Variants in SUGCT observed in about 807,000 individuals in gnomAD.
SUGCT encodes succinyl-CoA:glutarate CoA-transferase.
In SUGCT, 41 loss-of-function variants were observed where a neutral mutation model predicts 55.0. The ratio of observed to expected loss-of-function variants is 0.74; its 90% CI spans 0.58 to 0.97. The LOEUF (loss-of-function observed/expected upper bound fraction) is 0.97. Ranked by LOEUF, SUGCT falls within the 50% of genes least tolerant of loss-of-function variation. SUGCT has a pLI of 0.00. For synonymous variants in SUGCT, 187 were observed against 200.4 expected (o/e 0.93, Z 0.56); for missense variants, 568 against 547.8 (o/e 1.04, Z -0.37).
intron 7 of SUGCT, among the ~76,000 whole-genome samples, chr7:40,246,968 A>G (rs1451491107): frequency 6.6e-6 from 1 of 152,132 alleles, no homozygotes; most frequent in Non-Finnish European, 1.5e-5. Context: ...TGTATATTGT[A>G]TTACATTTTA....
At chr7:40,270,135 C>CAAAAAA (rs1186152626) in intron 7 of SUGCT, among the ~76,000 whole-genome samples, 1 of 66,646 alleles carries the variant, frequency 1.5e-5, no homozygotes, top group East Asian at 4.8e-4. Flanking sequence ...GACCCTTTCT[C>CAAAAAA]AAAAAAAAAA....
chr7:40,947,593 TCTAATTTGACTTC>T, the SUGCT span, among the ~76,000 whole-genome samples: 1 of 152,104 alleles, frequency 6.6e-6, no homozygotes, highest in African/African-American at 2.4e-5. Flanking sequence ...ATTCTGGAAA[TCTAATTTGACTTC>T]CTCCCTAGAA....
intron 7 of SUGCT, among the ~76,000 whole-genome samples, chr7:40,256,830 A>G (rs912339075): frequency 6.6e-6 from 1 of 151,610 alleles, no homozygotes; most frequent in African/African-American, 2.4e-5. Flanking sequence ...TGCAACCTCC[A>G]CCTCCCAGGT....
the SUGCT span, among the ~76,000 whole-genome samples, chr7:40,869,831 T>A: frequency 6.6e-6 from 1 of 152,208 alleles, no homozygotes; most frequent in Non-Finnish European, 1.5e-5. Flanking sequence ...ATTAATTTGG[T>A]TTTGTGTGAA....
At chr7:40,151,007 C>T (rs1384222965) in intron 1 of SUGCT, among the ~76,000 whole-genome samples, 2 of 152,110 alleles carry the variant, frequency 1.3e-5, no homozygotes, top group Non-Finnish European at 2.9e-5. Flanking sequence ...GAGGCTGAGG[C>T]GGGCGGATTG....
chr7:40,736,254 A>G (rs1787156574), intron 12 of SUGCT, among the ~76,000 whole-genome samples: 1 of 68,444 alleles, frequency 1.5e-5, no homozygotes, highest in African/African-American at 1.7e-4. Flanking sequence ...ATAATATATT[A>G]TAATATTTCA....
chr7:40,253,654 C>A (rs1765509478), intron 7 of SUGCT, among the ~76,000 whole-genome samples: 1 of 152,190 alleles, frequency 6.6e-6, no homozygotes, highest in South Asian at 2.1e-4. Context: ...CCTCCGCCTC[C>A]CGGTGGCTGG....
chr7:40,736,360 A>G (rs1787167513), intron 12 of SUGCT, among the ~76,000 whole-genome samples: 1 of 149,740 alleles, frequency 6.7e-6, no homozygotes, highest in Non-Finnish European at 1.5e-5. Flanking sequence ...ATGTATATAT[A>G]ACTGCAGTTC....
chr7:40,544,084 T>C (rs1192751686), intron 12 of SUGCT, among the ~76,000 whole-genome samples: 2 of 151,950 alleles, frequency 1.3e-5, no homozygotes, highest in Non-Finnish European at 2.9e-5. Context: ...ACTACCAGAA[T>C]TGTGTTGTCT....
chr7:40,387,742 A>G (rs1398304874), intron 9 of SUGCT, among the ~76,000 whole-genome samples: 3 of 152,176 alleles, frequency 2.0e-5, no homozygotes, highest in Non-Finnish European at 4.4e-5. Flanking sequence ...TAATGTCTAT[A>G]AAGTGCTTAG....
the SUGCT span, among the ~76,000 whole-genome samples, chr7:40,903,152 C>T: frequency 6.6e-6 from 1 of 152,026 alleles, no homozygotes; most frequent in South Asian, 2.1e-4. Flanking sequence ...CTGCCTCAGC[C>T]TCCCAAGTAG....
At chr7:40,830,962 T>G (rs1245806338) in intron 13 of SUGCT, among the ~76,000 whole-genome samples, 1 of 152,194 alleles carries the variant, frequency 6.6e-6, no homozygotes, top group Admixed American at 6.5e-5. Context: ...CTGCTGAAGA[T>G]TGTAATAATC....
rs1798510208 is a variant in SUGCT, at chr7:40,605,911, G to A, written c.1089+109525G>A. On this transcript the variant is annotated intron_variant, in intron 12 of 13. Transcript: ENST00000335693. ...TTTGAGAGGCTGGAGTCCAAGGAGT[G>A]GAGCTTGGTGAGAGGTGGGCTAGAG... Among the ~76,000 whole-genome samples the A allele has an allele frequency of 3.3e-5, 5 of 152,190 alleles. No homozygotes were observed. In the South Asian group the frequency reaches 1.0e-3, roughly 32 times the overall value.
chr7:40,542,523 T>C (rs895796228), intron 12 of SUGCT, among the ~76,000 whole-genome samples: 3 of 152,162 alleles, frequency 2.0e-5, no homozygotes, highest in African/African-American at 7.2e-5. Context: ...CCCATAGTAC[T>C]GATTAGTTTG....
intron 12 of SUGCT, among the ~76,000 whole-genome samples, chr7:40,670,488 G>T (rs1229503915): frequency 6.6e-6 from 1 of 152,054 alleles, no homozygotes. Context: ...AGACCTTGCA[G>T]ACATCAAAAG....
chr7:40,444,763 G>A (rs1788717724), intron 9 of SUGCT, among the ~76,000 whole-genome samples: 1 of 152,092 alleles, frequency 6.6e-6, no homozygotes. Context: ...ACACTATGTT[G>A]AATAGGAGTG....
At chr7:40,350,277 CTTAT>C (rs202108546) in intron 9 of SUGCT, among the ~76,000 whole-genome samples, 73,808 of 136,766 alleles carry the variant, frequency 0.54, 20,045 homozygotes, top group Middle Eastern at 0.66. Flanking sequence ...ATTACTATAT[CTTAT>C]TTATTTATTT....
At chr7:40,210,173 G>C (rs1185869264) in intron 6 of SUGCT, among the ~76,000 whole-genome samples, 1 of 151,942 alleles carries the variant, frequency 6.6e-6, no homozygotes, top group African/African-American at 2.4e-5. Flanking sequence ...AGCCTCCCGA[G>C]TAGCTGGGAT....
intron 13 of SUGCT, among the ~76,000 whole-genome samples, chr7:40,812,306 T>C (rs1386691929): frequency 6.6e-6 from 1 of 152,130 alleles, no homozygotes; most frequent in Non-Finnish European, 1.5e-5. Flanking sequence ...GTACCATCTC[T>C]TCTTTGTACA....
Sources: gnomAD v4.1 joint callset for allele counts (sites outside exome capture counted in the v4.1 genomes callset) on GRCh38, gnomAD v4.1.1 for gene constraint, MANE v1.5 for transcripts, NCBI Gene and HGNC (gene_info 2026-07-23, HGNC 2026-07-21) for gene names.